Variants in BEND3 observed in about 807,000 individuals in gnomAD.
BEND3 encodes the protein BEN domain containing 3.
A neutral mutation model predicts 60.1 loss-of-function variants in BEND3; 13 were observed. The observed-to-expected ratio is 0.22, with a 90% CI of 0.14 to 0.34. The LOEUF (loss-of-function observed/expected upper bound fraction) is 0.34, where lower values mean the gene tolerates loss of function less well. BEND3 is among the 10% of genes least tolerant of loss of function. The pLI is 1.00. For missense variants in BEND3, 896 were observed against 1,138.1 expected, an observed-to-expected ratio of 0.79 and a Z score of 3.06; for synonymous variants, 497 against 491.5, an observed-to-expected ratio of 1.01 and a Z score of -0.15.
intron 1 of BEND3, among the ~76,000 whole-genome samples, chr6:107,105,279 G>C (rs1296735233): frequency 6.6e-6 from 1 of 151,674 alleles, no homozygotes; most frequent in Non-Finnish European, 1.5e-5. Context: ...GCTGAGGCAG[G>C]AGAATCGCTT....
Position 107,069,430 on chromosome 6 carries a change from C to A in BEND3, c.1761G>T (p.Thr587=). 6.2e-7 allele frequency: 1 copy of A among 1,612,470 alleles called. No homozygotes were observed. Among genetic ancestry groups the A allele is most frequent in the Non-Finnish European group, 8.5e-7 (1 of 1,180,014 alleles). ...TGTACTGCTTGCGCAGGTTCTCGTG[C>A]GTGAAGAGCTCGGGGAACAGGTGCA... is the stretch of plus-strand genomic sequence containing the variant. ...LLVHLFPELF[T]HENLRKQYNC... The change falls in exon 4 of 4, where the codon ACG becomes ACT. Residue 587 remains threonine (T), a synonymous_variant. Transcript: ENST00000369042.
chr6:107,085,094 GAACA>G (rs1775314768), intron 3 of BEND3, among the ~76,000 whole-genome samples: 1 of 152,144 alleles, frequency 6.6e-6, no homozygotes, highest in Admixed American at 6.6e-5. Flanking sequence ...CCACTGGGAG[GAACA>G]AACAACTTTG....
At chr6:107,110,973 G>A (rs558617466) in intron 1 of BEND3, among the ~76,000 whole-genome samples, 1 of 151,562 alleles carries the variant, frequency 6.6e-6, no homozygotes, top group African/African-American at 2.4e-5. Flanking sequence ...AGACCAGCCT[G>A]GCCAACATGG....
At chr6:107,083,869 C>T (rs1775283023) in intron 3 of BEND3, among the ~76,000 whole-genome samples, 1 of 152,114 alleles carries the variant, frequency 6.6e-6, no homozygotes, top group South Asian at 2.1e-4. Context: ...TGGGAGATTC[C>T]TTGAGGCTAG....
intron 1 of BEND3, among the ~76,000 whole-genome samples, chr6:107,112,285 C>G (rs1770121493): frequency 6.6e-6 from 1 of 152,160 alleles, no homozygotes; most frequent in African/African-American, 2.4e-5. Flanking sequence ...AGGGCTCACT[C>G]CAATTTTTCT....
Position 107,074,181 on chromosome 6 carries a change from C to T in BEND3, c.241-3231G>A, listed in dbSNP as rs1323466406. On this transcript the variant is annotated intron_variant, in intron 3 of 3. Coordinates refer to ENST00000369042, the MANE Select transcript of BEND3 (RefSeq NM_001367314.1). ...CTGTAATCCCAGCACTTTGGGAGGCCGAGGCGGGTGGATCACTTGAGGTCA... is the reference window on the plus strand; with the variant it reads ...CTGTAATCCCAGCACTTTGGGAGGCTGAGGCGGGTGGATCACTTGAGGTCA... Among the ~76,000 whole-genome samples the T allele has an allele frequency of 9.9e-5, 15 of 151,910 alleles. No individual in the cohort carries two copies. In the East Asian group the frequency reaches 2.1e-3, roughly 22 times the overall value.
intron 3 of BEND3, among the ~76,000 whole-genome samples, chr6:107,087,510 C>T (rs1472919916): frequency 6.6e-6 from 1 of 151,952 alleles, no homozygotes; most frequent in African/African-American, 2.4e-5. Flanking sequence ...AGGCCGAGGC[C>T]GGCGGATCAC....
rs1355874403 is a variant in BEND3 at position 107,069,156 on chromosome 6, T to C, written c.2035A>G (p.Arg679Gly). 1 of 1,612,404 alleles carries C rather than the reference T, an allele frequency of 6.2e-7. No homozygotes were observed. Among genetic ancestry groups the C allele is most frequent in the African/African-American group, 1.3e-5 (1 of 74,890 alleles). Residue 679 changes from arginine (R) to glycine (G), a missense_variant, in exon 4 of 4, where the codon AGG (arginine) becomes GGG (glycine). Arg to Gly is a moderately radical substitution (Grantham distance 125, BLOSUM62 -2). Transcript: ENST00000369042. ...DLTSYAINPE[R>G]FREEFEGPPL... is the part of the protein sequence containing the mutation. ...GGCCCCTCAAACTCCTCCCGGAACC[T>C]CTCGGGGTTGATTGCATAGCTGGTC...
In BEND3 at chr6:107,091,741, C is replaced by T. The variant is rs114318709; in HGVS notation, c.240+6810G>A. On this transcript the variant is annotated intron_variant, in intron 3 of 3. Coordinates refer to ENST00000369042, the MANE Select transcript of BEND3 (RefSeq NM_001367314.1). ...CCAAACATTTAAGGGAAAAATGATA[C>T]AATTTCTCTACAGTCTCAGAAAACA... Among the ~76,000 whole-genome samples, 707 of 152,256 alleles carry T rather than the reference C, an allele frequency of 4.6e-3. 9 individuals are homozygous for T. Among genetic ancestry groups the T allele is most frequent in the African/African-American group, 0.016 (667 of 41,558 alleles).
Position 107,098,708 on chromosome 6 carries a change from G to T in BEND3, c.83C>A (p.Ala28Asp), listed in dbSNP as rs1279396934. Reference sequence around the variant, plus strand: ...GGAATTCACGGAGCAGTCCAGAGCAGCATCTTCAGCCTCTGTCTCCACTTT... The same window carrying T: ...GGAATTCACGGAGCAGTCCAGAGCATCATCTTCAGCCTCTGTCTCCACTTT... ...TVKVETEAED[A>D]ALDCSVNSRT... Residue 28 changes from alanine (A) to aspartate (D), a missense_variant, in exon 3 of 4, where the codon GCT (alanine) becomes GAT (aspartate). Physicochemically the swap from Ala to Asp is moderately radical, Grantham distance 126. This residue lies in a region of BEND3 where 846 missense variants were observed against 1,036.7 expected (regional missense o/e 0.82). Transcript: ENST00000369042. 2.5e-6 allele frequency: 4 copies of T among 1,613,968 alleles called. No individual in the cohort carries two copies. The African/African-American group carries it at 5.3e-5, about 22-fold the overall frequency.
chr6:107,104,633 G>A (rs1236833302), intron 1 of BEND3, among the ~76,000 whole-genome samples: 1 of 150,970 alleles, frequency 6.6e-6, no homozygotes, highest in Admixed American at 6.6e-5. Flanking sequence ...TGGTTATAGT[G>A]TATAGTTTTT....
chr6:107,105,200 A>T (rs1312321109), intron 1 of BEND3, among the ~76,000 whole-genome samples: 1 of 151,944 alleles, frequency 6.6e-6, no homozygotes, highest in Admixed American at 6.6e-5. Context: ...GTGAAACCCC[A>T]TCTCTACTAA....
chr6:107,110,414 G>A (rs1775915363), intron 1 of BEND3, among the ~76,000 whole-genome samples: 1 of 152,212 alleles, frequency 6.6e-6, no homozygotes, highest in African/African-American at 2.4e-5. Context: ...AAGAGCTCTG[G>A]GTTGAAACAA....
chr6:107,100,942 C>CT (rs569962425), intron 1 of BEND3, among the ~76,000 whole-genome samples: 234 of 152,274 alleles, frequency 1.5e-3, no homozygotes, highest in African/African-American at 5.5e-3. Flanking sequence ...TGGCTCGTGC[C>CT]TGTAATCCCA....
At chr6:107,096,773 T>C (rs1044963157) in intron 3 of BEND3, among the ~76,000 whole-genome samples, 4 of 152,132 alleles carry the variant, frequency 2.6e-5, no homozygotes, top group Non-Finnish European at 5.9e-5. Flanking sequence ...TGTCCTAAAA[T>C]AGCATAACTC....
intron 3 of BEND3, among the ~76,000 whole-genome samples, chr6:107,091,960 A>G (rs1665910): frequency 0.9 from 137,529 of 152,234 alleles, 62,199 homozygotes; most frequent in East Asian, 0.95. Flanking sequence ...CCAGCCTCAC[A>G]TTAAAAAAAA....
At chr6:107,080,354 C>CAAAAAAA (rs11402351) in intron 3 of BEND3, among the ~76,000 whole-genome samples, 1,181 of 82,284 alleles carry the variant, frequency 0.014, no homozygotes, top group Middle Eastern at 0.027. Context: ...GATCCCATCT[C>CAAAAAAA]AAAAAAAAAA....
At chr6:107,074,390 G>A (rs1255624503) in intron 3 of BEND3, among the ~76,000 whole-genome samples, 2 of 152,200 alleles carry the variant, frequency 1.3e-5, no homozygotes, top group Non-Finnish European at 1.5e-5. Flanking sequence ...ACTCTGGCCT[G>A]GGCAACAGAG....
intron 1 of BEND3, among the ~76,000 whole-genome samples, chr6:107,106,353 T>C (rs1775813824): frequency 6.6e-6 from 1 of 152,130 alleles, no homozygotes; most frequent in African/African-American, 2.4e-5. Context: ...TTCAGGAGAC[T>C]CCCGGCATGA....
Sources: gnomAD v4.1 joint callset for allele counts (sites outside exome capture counted in the v4.1 genomes callset) on GRCh38, gnomAD v4.1.1 for gene constraint, gnomAD v4.1.1 regional missense constraint, MANE v1.5 for transcripts, NCBI Gene and HGNC (gene_info 2026-07-23, HGNC 2026-07-21) for gene names.